ENGASE: variants seen among roughly 807,000 people sequenced by gnomAD.
ENGASE encodes the protein endo-beta-N-acetylglucosaminidase.
ENGASE carries 69 observed loss-of-function variants against 78.5 expected under a neutral mutation model. The ratio of observed to expected loss-of-function variants is 0.88; its 90% CI spans 0.72 to 1.07. The LOEUF is 1.07. Among genes scored for constraint, ENGASE ranks in the 50% least tolerant of loss-of-function variants. The probability of loss-of-function intolerance (pLI) is 0.00; values close to 1 mark genes in which losing one functional copy is unlikely to be tolerated. For missense variants in ENGASE, 943 were observed against 988.4 expected, an observed-to-expected ratio of 0.95 and a Z score of 0.62; for synonymous variants, 408 against 408.9, an observed-to-expected ratio of 1.00 and a Z score of 0.03.
rs1448092169 is a variant in ENGASE at position 79,081,851 on chromosome 17, C to T, written c.873-47C>T. The T allele has an allele frequency of 1.9e-6, 3 of 1,569,744 alleles. No homozygotes were observed. In the African/African-American group the frequency reaches 4.1e-5, roughly 21 times the overall value. On this transcript the variant is annotated intron_variant, in intron 6 of 13. Transcript: ENST00000579016. The stretch of plus-strand genomic sequence containing the variant: ...ACTGCAGGGTTGGTGGGGGTGGCCC[C>T]ATCCTTCTGGGCCTGGGCCTCACAG...
In ENGASE at chr17:79,084,001, G is replaced by A. The variant is rs370099120; in HGVS notation, c.1442+50G>A. 322 of 1,535,884 alleles carry A rather than the reference G, an allele frequency of 2.1e-4. 2 individuals are homozygous for A. The African/African-American group carries it at 3.6e-3, about 17-fold the overall frequency. ...GGCCCACCAGCTTCTCCCATCACAC[G>A]TGGTGGCCATGGAACTGGACAGATG... On this transcript the variant is annotated intron_variant, in intron 10 of 13. Transcript: ENST00000579016.
chr17:79,084,930 C>T (rs1404878023), intron 11 of ENGASE, among the ~76,000 whole-genome samples: 1 of 152,228 alleles, frequency 6.6e-6, no homozygotes, highest in East Asian at 1.9e-4. Flanking sequence ...TGGACATGGG[C>T]CCCTCCCAGA....
At chr17:79,080,755 G>A (rs1290711210) in intron 5 of ENGASE, among the ~76,000 whole-genome samples, 170 bp from the exon 6 acceptor site, 3 of 152,198 alleles carry the variant, frequency 2.0e-5, no homozygotes, top group Non-Finnish European at 4.4e-5. Context: ...ACGGTCGTCT[G>A]TTTGGCTGGA....
chr17:79,078,434 C>G (rs959779492), intron 3 of ENGASE, among the ~76,000 whole-genome samples: 1 of 152,220 alleles, frequency 6.6e-6, no homozygotes, highest in Non-Finnish European at 1.5e-5. Flanking sequence ...ACCTCCTCAA[C>G]TTGAAGGCTG....
chr17:79,078,333 C>CT (rs1214472098), intron 3 of ENGASE, among the ~76,000 whole-genome samples: 1 of 152,060 alleles, frequency 6.6e-6, no homozygotes, highest in Non-Finnish European at 1.5e-5. Flanking sequence ...GAGTGAGACT[C>CT]TGTCTCAAAA....
rs370642899 is a variant in ENGASE at position 79,086,233 on chromosome 17, G to A, written c.2116G>A (p.Gly706Arg). 1.1e-5 allele frequency: 17 copies of A among 1,613,426 alleles called. No individual in the cohort carries two copies. The Admixed American group carries it at 1.2e-4, about 11-fold the overall frequency. Reference protein sequence around the residue: ...RIVDLLVEAAGPGQDRRMEFL... With the variant: ...RIVDLLVEAARPGQDRRMEFL... ...AGTGGACCTGCTGGTGGAAGCCGCC[G>A]GGCCCGGCCAGGATCGTCGCATGGA... Residue 706 changes from glycine (G) to arginine (R), a missense_variant, in exon 14 of 14, where the codon GGG becomes AGG. Coordinates refer to ENST00000579016, the MANE Select transcript of ENGASE (RefSeq NM_001042573.3).
chr17:79,076,444 A>G (rs1416472484), intron 1 of ENGASE, among the ~76,000 whole-genome samples: 1 of 152,172 alleles, frequency 6.6e-6, no homozygotes, highest in Non-Finnish European at 1.5e-5. Flanking sequence ...GATGCCTGTA[A>G]TCCCAGCTAC....
At chr17:79,078,696 C>T (rs2073032290) in intron 3 of ENGASE, among the ~76,000 whole-genome samples, 1 of 152,304 alleles carries the variant, frequency 6.6e-6, no homozygotes, top group South Asian at 2.1e-4. Flanking sequence ...ATCTTGGACC[C>T]TGTGATTGAT....
chr17:79,077,150 C>T (rs1282164672), intron 1 of ENGASE, among the ~76,000 whole-genome samples: 5 of 152,138 alleles, frequency 3.3e-5, no homozygotes, highest in Non-Finnish European at 7.3e-5. Context: ...GGATTACAGG[C>T]GTGAACCACT....
Position 79,080,256 on chromosome 17 carries a change from C to T in ENGASE, c.615C>T (p.Phe205=), listed in dbSNP as rs376065692. The part of the protein sequence containing the change: ...WNEGGRLCEA[F]LAGDERSYQA... ...AAGGGGGAAGGCTCTGTGAAGCCTT[C>T]CTGGCCGGGGATGAGCGCTCGTACC... The change falls in exon 5 of 14, where the codon TTC becomes TTT. Residue 205 remains phenylalanine, a synonymous_variant. Coordinates refer to ENST00000579016, the MANE Select transcript of ENGASE (RefSeq NM_001042573.3). 273 of 1,613,344 alleles carry T rather than the reference C, an allele frequency of 1.7e-4. No individual in the cohort carries two copies. The highest frequency in any genetic ancestry group is 2.1e-4 in the Non-Finnish European group (248 of 1,179,530).
In ENGASE at chr17:79,087,342, C is replaced by T. The variant is rs2146025264; in HGVS notation, c.*993C>T. On this transcript the variant is annotated 3_prime_UTR_variant, in exon 14 of 14. Transcript: ENST00000579016. ...AGCACCGGGAAGACCTCCAGGCTGACCCCTTGAGCAGCAGTCAGCACAGGT... is the reference window on the plus strand; with the variant it reads ...AGCACCGGGAAGACCTCCAGGCTGATCCCTTGAGCAGCAGTCAGCACAGGT... 7 of 311,036 alleles carry T rather than the reference C, an allele frequency of 2.3e-5. No individual in the cohort carries two copies. Among genetic ancestry groups the T allele is most frequent in the South Asian group, 1.9e-4 (7 of 36,758 alleles). 19.3% of individuals were successfully genotyped at this position (311,036 alleles called of 1,614,324 possible).
Position 79,087,335 on chromosome 17 carries a change from A to T in ENGASE, c.*986A>T. Reference sequence around the variant, plus strand: ...TCGTCCAAGCACCGGGAAGACCTCCAGGCTGACCCCTTGAGCAGCAGTCAG... The same window carrying T: ...TCGTCCAAGCACCGGGAAGACCTCCTGGCTGACCCCTTGAGCAGCAGTCAG... On this transcript the variant is annotated 3_prime_UTR_variant, in exon 14 of 14. Transcript: ENST00000579016. 1 of 318,986 alleles carries T rather than the reference A, an allele frequency of 3.1e-6. No homozygotes were observed. Among genetic ancestry groups the T allele is most frequent in the South Asian group, 2.6e-5 (1 of 38,686 alleles). 19.8% of individuals were successfully genotyped at this position (318,986 alleles called of 1,614,324 possible).
At position 79,074,827 on chromosome 17, in the gene ENGASE, A is replaced by C; in HGVS notation, c.-118A>C. The C allele has an allele frequency of 5.1e-6, 6 of 1,182,224 alleles. No individual in the cohort carries two copies. The highest frequency in any genetic ancestry group is 1.6e-5 in the African/African-American group (1 of 62,554). The allele number at this position is 1,182,224 out of a possible 1,614,324, so 73.2% of individuals were successfully genotyped here. A position where few individuals can be genotyped will look rare whatever the true frequency, so the allele number is the denominator to read the frequency against. On this transcript the variant is annotated 5_prime_UTR_variant, in exon 1 of 14. Transcript: ENST00000579016. ...CCCCGCCGCGCGGCCGCTGGCCGGG[A>C]GTCAGCTCGGAGTCCCGTCCCAGCG...
At position 79,081,877 on chromosome 17, in the gene ENGASE, C is replaced by G. The variant is rs1352256711; in HGVS notation, c.873-21C>G. 12 of 1,600,250 alleles carry G rather than the reference C, an allele frequency of 7.5e-6. No individual in the cohort carries two copies. The South Asian group carries it at 1.4e-4, about 18-fold the overall frequency. ...ATCCTTCTGGGCCTGGGCCTCACAG[C>G]AGGTCCTTGTTGCTTCTCAGGGTCT... On this transcript the variant is annotated intron_variant, in intron 6 of 13. Transcript: ENST00000579016.
chr17:79,075,483 C>G (rs1296710371), intron 1 of ENGASE, among the ~76,000 whole-genome samples: 1 of 152,242 alleles, frequency 6.6e-6, no homozygotes, highest in Non-Finnish European at 1.5e-5. Context: ...AAGGGGTGGC[C>G]TTCTGTAGGG....
chr17:79,077,631 T>G (rs2073000585), intron 2 of ENGASE, 32 bp from the exon 3 acceptor site: 1 of 1,610,850 alleles, frequency 6.2e-7, no homozygotes, highest in African/African-American at 1.3e-5. Context: ...ATAGTTTCCA[T>G]TAATTGCTCA....
chr17:79,077,401 T>TA, intron 1 of ENGASE, 29 bp from the exon 2 acceptor site: 1 of 1,592,536 alleles, frequency 6.3e-7, no homozygotes, highest in Non-Finnish European at 8.5e-7. Flanking sequence ...TGTTTTTATT[T>TA]ATAAATGTAC....
At chr17:79,082,839 G>T (rs1231678396) in intron 7 of ENGASE, 181 bp from the exon 8 acceptor site, 1 of 1,538,196 alleles carries the variant, frequency 6.5e-7, no homozygotes, top group South Asian at 1.1e-5. Flanking sequence ...CTTCTGGCGG[G>T]CTTGTGGAAC....
Position 79,077,491 on chromosome 17 carries a change from C to T in ENGASE, c.208C>T (p.Leu70=). The change falls in exon 2 of 14, where the codon CTG becomes TTG. Residue 70 remains leucine, a synonymous_variant. Transcript: ENST00000579016. ...REVVSFSPDP[L]PVRYYDKDTT... is the part of the protein sequence containing the mutation. ...GGTGGTCAGTTTTTCCCCGGACCCCCTGCCAGGTGAGGAGACAGAGGCTCT... is the reference window on the plus strand; with the variant it reads ...GGTGGTCAGTTTTTCCCCGGACCCCTTGCCAGGTGAGGAGACAGAGGCTCT... The T allele has an allele frequency of 6.4e-7, 1 of 1,556,724 alleles. No individual in the cohort carries two copies. Among genetic ancestry groups the T allele is most frequent in the Non-Finnish European group, 8.7e-7 (1 of 1,155,682 alleles).
Sources: allele counts gnomAD v4.1 joint callset (sites outside exome capture counted in the v4.1 genomes callset), GRCh38; gene constraint gnomAD v4.1.1; transcripts MANE v1.5; gene names NCBI Gene and HGNC (gene_info 2026-07-23, HGNC 2026-07-21).